Variants in KCTD8 observed in about 807,000 individuals in gnomAD.
KCTD8 encodes BTB/POZ domain-containing protein KCTD8.
In KCTD8, 27 loss-of-function variants were observed where a neutral mutation model predicts 31.5. The ratio of observed to expected loss-of-function variants is 0.86; its 90% CI spans 0.63 to 1.18. The LOEUF (loss-of-function observed/expected upper bound fraction) is 1.18. Among genes scored for constraint, KCTD8 ranks in the 50% most tolerant of loss-of-function variants. The probability of loss-of-function intolerance (pLI) is 0.00; values close to 1 mark genes in which losing one functional copy is unlikely to be tolerated. For synonymous variants in KCTD8, 290 were observed against 280.0 expected (o/e 1.04, Z -0.36); for missense variants, 658 against 647.7 (o/e 1.02, Z -0.17).
In KCTD8 at chr4:44,289,373, C is replaced by T. The variant is rs1261764655; in HGVS notation, c.962-114123G>A. Among the ~76,000 whole-genome samples the T allele has an allele frequency of 2.0e-5, 3 of 151,986 alleles. No individual in the cohort carries two copies. In the East Asian group the frequency reaches 5.8e-4, roughly 29 times the overall value. ...ATAAAGTGGTATAAATACAAAGTGA[C>T]ATATCTAGGGATAGAGCAAAATAAG... is the stretch of plus-strand genomic sequence containing the variant. On this transcript the variant is annotated intron_variant, in intron 1 of 1. Transcript: ENST00000360029.
At chr4:44,197,316 GGCCCCTGCCTGAGGGA>G (rs2109337642) in intron 1 of KCTD8, among the ~76,000 whole-genome samples, 1 of 152,036 alleles carries the variant, frequency 6.6e-6, no homozygotes, top group South Asian at 2.1e-4. Context: ...ACAGACCCCT[GGCCCCTGCCTGAGGGA>G]GCCCCACAGC....
At chr4:44,331,736 T>C (rs1370007659) in intron 1 of KCTD8, among the ~76,000 whole-genome samples, 2 of 149,512 alleles carry the variant, frequency 1.3e-5, no homozygotes, top group Admixed American at 6.7e-5. Context: ...TAGTTTTATA[T>C]ATATATATAT....
At chr4:44,406,286 A>T (rs1441106531) in intron 1 of KCTD8, among the ~76,000 whole-genome samples, 1 of 152,242 alleles carries the variant, frequency 6.6e-6, no homozygotes, top group African/African-American at 2.4e-5. Flanking sequence ...AATATCATAC[A>T]TTGAAAAACA....
At chr4:44,300,986 G>A (rs1245253039) in intron 1 of KCTD8, among the ~76,000 whole-genome samples, 6 of 148,434 alleles carry the variant, frequency 4.0e-5, no homozygotes, top group South Asian at 2.2e-4. Context: ...TTGTCCTTGC[G>A]ATAGTTTACT....
intron 1 of KCTD8, among the ~76,000 whole-genome samples, chr4:44,387,920 A>G (rs935676006): frequency 6.6e-6 from 1 of 151,894 alleles, no homozygotes; most frequent in Admixed American, 6.6e-5. Flanking sequence ...CAACTGAGTA[A>G]AGAGATAGCC....
chr4:44,213,758 GA>G (rs1714562678), intron 1 of KCTD8, among the ~76,000 whole-genome samples: 1 of 152,064 alleles, frequency 6.6e-6, no homozygotes, highest in Non-Finnish European at 1.5e-5. Flanking sequence ...AAATCAATAT[GA>G]GCCATATATT....
chr4:44,218,032 C>A (rs999180747), intron 1 of KCTD8, among the ~76,000 whole-genome samples: 1 of 151,810 alleles, frequency 6.6e-6, no homozygotes, highest in African/African-American at 2.4e-5. Flanking sequence ...TAGTTCTGTC[C>A]CTCTGCAGGA....
intron 1 of KCTD8, among the ~76,000 whole-genome samples, chr4:44,415,160 T>C (rs560252930): frequency 1.1e-4 from 16 of 152,302 alleles, no homozygotes; most frequent in Non-Finnish European, 1.9e-4. Flanking sequence ...GATCAGTGGA[T>C]GTTTGAACTT....
intron 1 of KCTD8, among the ~76,000 whole-genome samples, chr4:44,276,994 T>C (rs1716769117): frequency 6.6e-6 from 1 of 151,998 alleles, no homozygotes; most frequent in African/African-American, 2.4e-5. Flanking sequence ...GGGCAAGAGA[T>C]GAAGTTTCTC....
intron 1 of KCTD8, among the ~76,000 whole-genome samples, chr4:44,176,391 TA>T (rs1326548043): frequency 3.3e-5 from 5 of 152,314 alleles, no homozygotes; most frequent in Non-Finnish European, 4.4e-5. Flanking sequence ...CCTCCTGATT[TA>T]ATGGGGTGCC....
At chr4:44,266,107 T>G (rs1366036235) in intron 1 of KCTD8, among the ~76,000 whole-genome samples, 1 of 151,144 alleles carries the variant, frequency 6.6e-6, no homozygotes, top group South Asian at 2.1e-4. Context: ...TCACCAAAGT[T>G]GAAATGAAGG....
chr4:44,237,939 T>C (rs1295885871), intron 1 of KCTD8, among the ~76,000 whole-genome samples: 1 of 152,196 alleles, frequency 6.6e-6, no homozygotes, highest in African/African-American at 2.4e-5. Flanking sequence ...AATCTGCTCC[T>C]GTCATTAATT....
intron 1 of KCTD8, among the ~76,000 whole-genome samples, chr4:44,434,870 G>GT (rs1721604704): frequency 6.6e-6 from 1 of 151,924 alleles, no homozygotes. Context: ...TCTCTGAGGA[G>GT]TTTGAAGTCA....
At chr4:44,331,853 T>C (rs1718598745) in intron 1 of KCTD8, among the ~76,000 whole-genome samples, 2 of 150,378 alleles carry the variant, frequency 1.3e-5, no homozygotes, top group Non-Finnish European at 3.0e-5. Flanking sequence ...TATATATGGA[T>C]ATGTATGTGG....
At chr4:44,260,191 C>A (rs763294493) in intron 1 of KCTD8, among the ~76,000 whole-genome samples, 2 of 151,338 alleles carry the variant, frequency 1.3e-5, no homozygotes, top group Non-Finnish European at 3.0e-5. Flanking sequence ...AGGGTACAAT[C>A]AGAAAATATC....
intron 1 of KCTD8, among the ~76,000 whole-genome samples, chr4:44,249,581 C>T (rs956299751): frequency 1.3e-5 from 2 of 151,594 alleles, no homozygotes; most frequent in Non-Finnish European, 3.0e-5. Flanking sequence ...GGTTTCGTTT[C>T]AATAAAATTT....
At chr4:44,344,024 A>G (rs2109420166) in intron 1 of KCTD8, among the ~76,000 whole-genome samples, 1 of 151,912 alleles carries the variant, frequency 6.6e-6, no homozygotes, top group South Asian at 2.1e-4. Context: ...ACACCCAGCT[A>G]ATTTTTGTAT....
chr4:44,284,244 A>G (rs1407802628), intron 1 of KCTD8, among the ~76,000 whole-genome samples: 7 of 151,472 alleles, frequency 4.6e-5, no homozygotes, highest in African/African-American at 1.7e-4. Flanking sequence ...ACAAGGGTAC[A>G]GTAACCAAAC....
At chr4:44,438,569 T>C (rs1368660763) in intron 1 of KCTD8, among the ~76,000 whole-genome samples, 1 of 152,136 alleles carries the variant, frequency 6.6e-6, no homozygotes, top group Non-Finnish European at 1.5e-5. Context: ...ACCTAATCAA[T>C]GAAAAACCAA....
Sources: allele counts gnomAD v4.1 joint callset (sites outside exome capture counted in the v4.1 genomes callset), GRCh38; gene constraint gnomAD v4.1.1; transcripts MANE v1.5; gene names NCBI Gene and HGNC (gene_info 2026-07-23, HGNC 2026-07-21).